HHLA1: variants seen among roughly 807,000 people sequenced by gnomAD.
HHLA1 encodes the protein HHLA1 neighbor of OC90.
A neutral mutation model predicts 69.9 loss-of-function variants in HHLA1; 72 were observed. The ratio of observed to expected loss-of-function variants is 1.03; its 90% confidence interval spans 0.85 to 1.25. The LOEUF (loss-of-function observed/expected upper bound fraction) is 1.25. HHLA1 is among the 50% of genes most tolerant of loss of function. The pLI, the probability that HHLA1 is intolerant of heterozygous loss-of-function variation, is 0.00. For synonymous variants in HHLA1, 252 were observed against 233.2 expected, an observed-to-expected ratio of 1.08 and a Z score of -0.73; for missense variants, 685 against 642.2, an observed-to-expected ratio of 1.07 and a Z score of -0.72.
intron 5 of HHLA1, among the ~76,000 whole-genome samples, chr8:132,098,621 G>A (rs772047615): frequency 5.9e-5 from 9 of 151,770 alleles, no homozygotes; most frequent in African/African-American, 1.5e-4. Flanking sequence ...ACCACTGCAC[G>A]CAGCTAATTT....
chr8:132,109,163 T>G (rs2469642), intron 1 of HHLA1, among the ~76,000 whole-genome samples: 71,940 of 152,030 alleles, frequency 0.47, 17,163 homozygotes, highest in Non-Finnish European at 0.5. Flanking sequence ...CCCACCACCA[T>G]GCCAGGCCAA....
chr8:132,078,211 C>CACAA (rs3221592), intron 11 of HHLA1, among the ~76,000 whole-genome samples: 5 of 146,230 alleles, frequency 3.4e-5, no homozygotes, highest in Non-Finnish European at 6.0e-5. Context: ...CACACACACA[C>CACAA]AACCTCTAAA....
At chr8:132,066,986 C>T (rs543455708) in intron 15 of HHLA1, among the ~76,000 whole-genome samples, 11 of 152,222 alleles carry the variant, frequency 7.2e-5, no homozygotes, top group South Asian at 2.1e-4. Context: ...GACTTTAATA[C>T]GATGAATCAG....
rs1196714502 is a variant in HHLA1 at position 132,095,688 on chromosome 8, C to A, written c.364+15G>T. ...CTACCACCACCACCATCAAGAAGAG[C>A]CAGCCAGCACTCACTGTTGTAAACA... On this transcript the variant is annotated intron_variant, in intron 6 of 16. Coordinates refer to ENST00000414222, the MANE Select transcript of HHLA1 (RefSeq NM_001145095.3). 2 of 1,548,476 alleles carry A rather than the reference C, an allele frequency of 1.3e-6. No homozygotes were observed. The highest frequency in any genetic ancestry group is 1.7e-6 in the Non-Finnish European group (2 of 1,144,660).
At position 132,062,662 on chromosome 8, in the gene HHLA1, G is replaced by A. The variant is rs553620456; in HGVS notation, c.*1333C>T. On this transcript the variant is annotated 3_prime_UTR_variant, in exon 17 of 17. Transcript: ENST00000414222. ...ATGCTCTACGTGGAGACTCAGCATA[G>A]ATAGGGATACTGGAGCAACCGCAAA... The A allele has an allele frequency of 1.3e-5, 2 of 152,368 alleles. No homozygotes were observed. Among genetic ancestry groups the A allele is most frequent in the South Asian group, 4.1e-4 (2 of 4,820 alleles). 9.4% of individuals were successfully genotyped at this position (152,368 alleles called of 1,614,324 possible).
rs1388720669 is a variant in HHLA1, at chr8:132,071,417, T to C, written c.1392A>G (p.Pro464=). The change falls in exon 15 of 17, where the codon CCA becomes CCG. Residue 464 remains proline, a synonymous_variant. Coordinates refer to ENST00000414222, the MANE Select transcript of HHLA1 (RefSeq NM_001145095.3). Reference sequence around the variant, plus strand: ...AGAATTGGCACAGCTCCATCAGGCATGGGTTGAGCCTCTGAATAGCCAGGG... The same window carrying C: ...AGAATTGGCACAGCTCCATCAGGCACGGGTTGAGCCTCTGAATAGCCAGGG... ...PLTLAIQRLN[P]CLMELCQFFQ... The C allele has an allele frequency of 1.2e-5, 18 of 1,551,550 alleles. No homozygotes were observed. In the Admixed American group the frequency reaches 2.5e-4, roughly 22 times the overall value.
At chr8:132,078,171 AACACACACACACACACACACAC>A (rs34612835) in intron 11 of HHLA1, among the ~76,000 whole-genome samples, 200 bp from the exon 12 acceptor site, 1 of 144,394 alleles carries the variant, frequency 6.9e-6, no homozygotes, top group Non-Finnish European at 1.5e-5. Context: ...AGCACCAATA[AACACACACACACACACACACAC>A]ACACACACAC....
chr8:132,106,293 G>C (rs915587225), intron 1 of HHLA1, among the ~76,000 whole-genome samples: 24 of 152,210 alleles, frequency 1.6e-4, no homozygotes, highest in Non-Finnish European at 3.4e-4. Context: ...ATTGCATGTT[G>C]AGAAGTTCTG....
At chr8:132,101,252 T>G in intron 3 of HHLA1, 1 of 1,550,456 alleles carries the variant, frequency 6.4e-7, no homozygotes, top group Non-Finnish European at 8.7e-7. Flanking sequence ...TTTTTCCTTC[T>G]TAACATCTTT....
chr8:132,108,945 C>CT (rs1185202586), intron 1 of HHLA1, among the ~76,000 whole-genome samples: 37 of 152,344 alleles, frequency 2.4e-4, no homozygotes, highest in African/African-American at 8.4e-4. Context: ...AATCGGTCAC[C>CT]TTATTGTTAA....
intron 10 of HHLA1, 38 bp downstream of exon 10, chr8:132,087,615 G>T: frequency 7.2e-7 from 1 of 1,388,002 alleles, no homozygotes; most frequent in South Asian, 1.2e-5. Context: ...CCCTGGTCTG[G>T]AGAGTCTATG....
chr8:132,083,998 T>C (rs7006441), intron 10 of HHLA1, among the ~76,000 whole-genome samples: 122,283 of 146,132 alleles, frequency 0.84, 51,657 homozygotes, highest in Non-Finnish European at 0.92. Context: ...GGCTATAAAG[T>C]GTCTCAGGGT....
rs531515889 is a variant in HHLA1, at chr8:132,071,897, A to G, written c.1316-404T>C. On this transcript the variant is annotated intron_variant, in intron 14 of 16. Transcript: ENST00000414222. ...TGAGTACAGGGGATATGAGGTATGT[A>G]TATGCATGTGTGTGTGCAGGGTACA... Among the ~76,000 whole-genome samples the G allele has an allele frequency of 4.6e-5, 7 of 152,106 alleles. No homozygotes were observed. The South Asian group carries it at 1.5e-3, about 32-fold the overall frequency.
intron 14 of HHLA1, among the ~76,000 whole-genome samples, chr8:132,074,547 C>A (rs1174740187): frequency 6.6e-6 from 1 of 151,810 alleles, no homozygotes; most frequent in Non-Finnish European, 1.5e-5. Context: ...AGTAGGAGCC[C>A]AATAAATATT....
Position 132,077,798 on chromosome 8 carries a change from T to G in HHLA1, c.1099A>C (p.Thr367Pro), listed in dbSNP as rs2130881916. The G allele has an allele frequency of 6.4e-7, 1 of 1,551,654 alleles. No homozygotes were observed. Among genetic ancestry groups the G allele is most frequent in the African/African-American group, 1.4e-5 (1 of 73,160 alleles). ...TCAGCAGCAGGCGCCAAAAGGCTTGTAGTGTTCATGGCTTCCTCGGTCCCT... is the reference window on the plus strand; with the variant it reads ...TCAGCAGCAGGCGCCAAAAGGCTTGGAGTGTTCATGGCTTCCTCGGTCCCT... ...TAGTEEAMNT[T>P]SLLAPAAEIM... The change falls in exon 12 of 17, where the codon ACA (threonine) becomes CCA (proline). Residue 367 changes from threonine (T) to proline (P), a missense_variant. Physicochemically the swap from Thr to Pro is conservative, Grantham distance 38. Transcript: ENST00000414222.
At chr8:132,098,747 C>T in intron 5 of HHLA1, 135 bp downstream of exon 5, 1 of 613,116 alleles carries the variant, frequency 1.6e-6, no homozygotes, top group East Asian at 2.9e-5. Context: ...TGAGCTCAGC[C>T]TATTCTCCAC....
intron 16 of HHLA1, 148 bp from the exon 17 acceptor site, chr8:132,064,186 GGT>G (rs1823397382): frequency 3.7e-6 from 1 of 269,542 alleles, no homozygotes; most frequent in Non-Finnish European, 7.5e-6. Context: ...GGTCACTAGG[GGT>G]GAGACTCAGA....
Position 132,079,719 on chromosome 8 carries a change from C to A in HHLA1, c.924G>T (p.Leu308Phe). ...GGAAAGGGTGAGAATGCATCTTACC[C>A]AAGGCTGGGAGAGTGTGGGAGGCAC... ...WFSASHTLPA[L>F]ATRRVARTQW... Residue 308 changes from leucine to phenylalanine, a missense_variant and splice_region_variant, in exon 11 of 17, where the codon TTG becomes TTT. Coordinates refer to ENST00000414222, the MANE Select transcript of HHLA1 (RefSeq NM_001145095.3). 1 of 1,544,602 alleles carries A rather than the reference C, an allele frequency of 6.5e-7. No homozygotes were observed. The highest frequency in any genetic ancestry group is 8.7e-7 in the Non-Finnish European group (1 of 1,143,774).
At chr8:132,093,042 T>C (rs1353061273) in intron 7 of HHLA1, among the ~76,000 whole-genome samples, 1 of 152,204 alleles carries the variant, frequency 6.6e-6, no homozygotes, top group Non-Finnish European at 1.5e-5. Context: ...TTTGTTATAG[T>C]AGCCCACCCT....
Sources: gnomAD v4.1 joint callset for allele counts (sites outside exome capture counted in the v4.1 genomes callset) on GRCh38, gnomAD v4.1.1 for gene constraint, MANE v1.5 for transcripts, NCBI Gene and HGNC (gene_info 2026-07-23, HGNC 2026-07-21) for gene names.